ALG6: variants seen among roughly 807,000 people sequenced by gnomAD.
ALG6 encodes dolichyl pyrophosphate Man9GlcNAc2 alpha-1,3-glucosyltransferase.
ALG6 carries 46 observed loss-of-function variants against 66.6 expected under a neutral mutation model. The ratio of observed to expected loss-of-function variants is 0.69; its 90% CI spans 0.55 to 0.88. ALG6 has a LOEUF of 0.88. Among genes scored for constraint, ALG6 ranks in the 40% least tolerant of loss-of-function variants. ALG6 has a pLI of 0.00. For missense variants in ALG6, 505 were observed against 586.8 expected (o/e 0.86, Z 1.44); for synonymous variants, 185 against 203.7 (o/e 0.91, Z 0.78).
chr1:63,410,918 A>G (rs1401680903), intron 7 of ALG6, among the ~76,000 whole-genome samples: 1 of 152,198 alleles, frequency 6.6e-6, no homozygotes, highest in Non-Finnish European at 1.5e-5. Flanking sequence ...GCTTAGCAGT[A>G]GATTTAATGT....
intron 12 of ALG6, among the ~76,000 whole-genome samples, chr1:63,425,766 G>A (rs996140855): frequency 5.9e-5 from 9 of 152,108 alleles, no homozygotes; most frequent in Admixed American, 5.9e-4. Flanking sequence ...TAACTCCCTT[G>A]CTTGAGGGCT....
chr1:63,413,842 G>A, intron 9 of ALG6: 1 of 469,172 alleles, frequency 2.1e-6, no homozygotes, highest in East Asian at 4.0e-5. Flanking sequence ...ATTATGGTGG[G>A]CCAATGCTTT....
chr1:63,425,715 G>C (rs1326589449), intron 12 of ALG6, among the ~76,000 whole-genome samples: 1 of 152,206 alleles, frequency 6.6e-6, no homozygotes, highest in Non-Finnish European at 1.5e-5. Flanking sequence ...CACTGGTGGA[G>C]AGTTGAGTAT....
chr1:63,384,275 C>A (rs1182847227), intron 2 of ALG6, among the ~76,000 whole-genome samples: 1 of 152,058 alleles, frequency 6.6e-6, no homozygotes, highest in African/African-American at 2.4e-5. Flanking sequence ...TTCCTGTTTG[C>A]CATTTGTATG....
At chr1:63,432,981 T>C (rs1012666387) in intron 14 of ALG6, among the ~76,000 whole-genome samples, 5 of 152,188 alleles carry the variant, frequency 3.3e-5, no homozygotes, top group Non-Finnish European at 7.3e-5. Flanking sequence ...TCACTCTTGT[T>C]GCCCAGGCTG....
At chr1:63,419,624 A>C (rs1557593904) in intron 12 of ALG6, among the ~76,000 whole-genome samples, 184 bp downstream of exon 12, 1 of 152,188 alleles carries the variant, frequency 6.6e-6, no homozygotes, top group Admixed American at 6.5e-5. Flanking sequence ...TTTTAAACTG[A>C]AAAATTTTGG....
rs41285372 is a variant in ALG6, at chr1:63,436,853, C to G, written c.1357C>G (p.Leu453Val). The G allele has an allele frequency of 0.017, 28,220 of 1,613,650 alleles. 327 individuals carry two copies. Among genetic ancestry groups the G allele is most frequent in the Non-Finnish European group, 0.021 (24,866 of 1,179,656 alleles). Residue 453 changes from leucine to valine, a missense_variant, in exon 15 of 15, where the codon CTG becomes GTG. By Grantham distance (32) the Leu-to-Val change is conservative. Transcript: ENST00000263440. ...FLISVITMVL[L>V]TLMTVTLDPP... ...TATCTCAGTCATCACTATGGTGCTT[C>G]TGACGTTGATGACTGTCACACTGGA... is the stretch of plus-strand genomic sequence containing the variant.
intron 4 of ALG6, among the ~76,000 whole-genome samples, chr1:63,403,261 A>G (rs1644474493): frequency 6.6e-6 from 1 of 152,154 alleles, no homozygotes; most frequent in Admixed American, 6.5e-5. Flanking sequence ...TGTGTTGTGT[A>G]TAAGAAAGTT....
chr1:63,420,171 G>T (rs777236898), intron 12 of ALG6, among the ~76,000 whole-genome samples: 2 of 152,102 alleles, frequency 1.3e-5, no homozygotes, highest in Non-Finnish European at 2.9e-5. Flanking sequence ...TAAAACCTTC[G>T]TGCAGAGCTG....
At chr1:63,388,910 G>A (rs1476083305) in intron 2 of ALG6, among the ~76,000 whole-genome samples, 4 of 151,980 alleles carry the variant, frequency 2.6e-5, no homozygotes, top group South Asian at 2.1e-4. Context: ...CTTCTGGCCT[G>A]TGTGGCTTTC....
At position 63,419,265 on chromosome 1, in the gene ALG6, A is replaced by G. The variant is rs535267305; in HGVS notation, c.988-105A>G. On this transcript the variant is annotated intron_variant, in intron 11 of 14. Coordinates refer to ENST00000263440, the MANE Select transcript of ALG6 (RefSeq NM_013339.4). ...TTACTTCTAAATAGAGCTTTAATAAACTTTCAACTTTCATTTGAAATGATT... is the reference window on the plus strand; with the variant it reads ...TTACTTCTAAATAGAGCTTTAATAAGCTTTCAACTTTCATTTGAAATGATT... The G allele has an allele frequency of 4.5e-5, 43 of 961,112 alleles. No individual in the cohort carries two copies. In the South Asian group the frequency reaches 5.9e-4, roughly 13 times the overall value. The allele number at this position is 961,112 out of a possible 1,614,324, so 59.5% of individuals were successfully genotyped here.
intron 10 of ALG6, 80 bp downstream of exon 10, chr1:63,414,226 A>G: frequency 9.2e-7 from 1 of 1,081,866 alleles, no homozygotes; most frequent in Non-Finnish European, 1.4e-6. Flanking sequence ...TTTATTTGGC[A>G]TCATTAGGGA....
chr1:63,407,702 T>C (rs1644495541), intron 7 of ALG6, among the ~76,000 whole-genome samples: 1 of 152,082 alleles, frequency 6.6e-6, no homozygotes, highest in African/African-American at 2.4e-5. Context: ...TGAATGTTAT[T>C]ACCTGTCTCC....
intron 3 of ALG6, among the ~76,000 whole-genome samples, chr1:63,400,164 A>G (rs1644440060): frequency 7.4e-6 from 1 of 135,194 alleles, no homozygotes; most frequent in Admixed American, 7.8e-5. Flanking sequence ...ATTGCACTCC[A>G]GCCTGGGCAA....
intron 2 of ALG6, among the ~76,000 whole-genome samples, chr1:63,376,933 A>G (rs1382557358): frequency 6.6e-6 from 1 of 152,020 alleles, no homozygotes; most frequent in East Asian, 1.9e-4. Context: ...TTGTATGTAT[A>G]TATTTTGTAT....
At chr1:63,386,827 T>C (rs978433085) in intron 2 of ALG6, among the ~76,000 whole-genome samples, 6 of 152,150 alleles carry the variant, frequency 3.9e-5, no homozygotes, top group Non-Finnish European at 5.9e-5. Flanking sequence ...CTTCTACTAA[T>C]TTTCTGTTTA....
At chr1:63,428,610 C>G in intron 12 of ALG6, 123 bp from the exon 13 acceptor site, 1 of 733,610 alleles carries the variant, frequency 1.4e-6, no homozygotes, top group South Asian at 2.0e-5. Context: ...ATATGAAGAC[C>G]TTCCTGGCTG....
intron 12 of ALG6, among the ~76,000 whole-genome samples, chr1:63,427,547 G>A (rs994813978): frequency 3.9e-5 from 6 of 152,028 alleles, no homozygotes; most frequent in African/African-American, 1.2e-4. Context: ...CCTGCAAAGA[G>A]TTCTTTCAAC....
chr1:63,370,708 C>T (rs1647894296), intron 1 of ALG6, 63 bp from the exon 2 acceptor site: 2 of 418,220 alleles, frequency 4.8e-6, no homozygotes, highest in Non-Finnish European at 8.7e-6. Flanking sequence ...ACTTGGTTTA[C>T]TGGGTTCATT....
Sources: allele counts gnomAD v4.1 joint callset (sites outside exome capture counted in the v4.1 genomes callset), GRCh38; gene constraint gnomAD v4.1.1; transcripts MANE v1.5; gene names NCBI Gene and HGNC (gene_info 2026-07-23, HGNC 2026-07-21).